Variants in C2 observed in about 807,000 individuals in gnomAD.
The protein encoded by C2 is complement C2, also known as C3/C5 convertase.
Under a neutral mutation model 85.2 loss-of-function variants are expected in C2, and 64 were observed. That is an observed-to-expected ratio of 0.75 (90% CI 0.61 to 0.92). C2 has a LOEUF of 0.92. Among genes scored for constraint, C2 ranks in the 40% least tolerant of loss-of-function variants. C2 has a pLI of 0.00. For missense variants in C2, 820 were observed against 971.6 expected, an observed-to-expected ratio of 0.84 and a Z score of 2.07; for synonymous variants, 311 against 370.8, an observed-to-expected ratio of 0.84 and a Z score of 1.85.
upstream of C2, among the ~76,000 whole-genome samples, chr6:31,917,304 A>G (rs1011646320): frequency 6.6e-6 from 1 of 152,182 alleles, no homozygotes; most frequent in Non-Finnish European, 1.5e-5. Context: ...CAGCCATAAA[A>G]AAAAAAAATT....
At chr6:31,922,959 G>A (rs1201029401), upstream of C2, among the ~76,000 whole-genome samples, 1 of 152,222 alleles carries the variant, frequency 6.6e-6, no homozygotes. This position sits in a 1 kb window ranked among gnomAD's most constrained non-coding sequence, Gnocchi z 4.8. Flanking sequence ...GCAGATATTA[G>A]AAGCCTAGAA....
At chr6:31,906,717 G>T (rs954731871) in intron 1 of C2, among the ~76,000 whole-genome samples, 49 of 151,700 alleles carry the variant, frequency 3.2e-4, no homozygotes, top group Non-Finnish European at 8.8e-5. Context: ...GTCCTCCCCA[G>T]GCCTGCCTGT....
intron 5 of C2, 39 bp downstream of exon 5, chr6:31,934,004 C>G (rs28706919): frequency 6.3e-7 from 1 of 1,585,924 alleles, no homozygotes; most frequent in Non-Finnish European, 8.7e-7. Flanking sequence ...GAGCAGGGTG[C>G]TGGATCTGGG....
chr6:31,940,303 G>A (rs1401868084), intron 9 of C2, among the ~76,000 whole-genome samples: 1 of 152,046 alleles, frequency 6.6e-6, no homozygotes, highest in Non-Finnish European at 1.5e-5. Context: ...GACCGTCGTC[G>A]TTATCATCAT....
rs1397361152 is a variant in C2 at position 31,928,051 on chromosome 6, C to T, written c.143C>T (p.Thr48Ile). The T allele has an allele frequency of 1.9e-6, 3 of 1,614,038 alleles. No homozygotes were observed. Among genetic ancestry groups the T allele is most frequent in the Non-Finnish European group, 1.7e-6 (2 of 1,180,014 alleles). Residue 48 changes from threonine to isoleucine, a missense_variant, in exon 2 of 18, where the codon ACC (threonine) becomes ATC (isoleucine). Physicochemically the swap from Thr to Ile is moderately conservative, Grantham distance 89. Transcript: ENST00000299367. ...GGCTGGGCTCCTGGGAGCCTTCTCA[C>T]CTACTCCTGCCCCCAGGGCCTGTAC... ...SHGWAPGSLL[T>I]YSCPQGLYPS...
intron 1 of C2, among the ~76,000 whole-genome samples, chr6:31,909,542 T>C (rs2151708148): frequency 6.6e-6 from 1 of 152,026 alleles, no homozygotes; most frequent in South Asian, 2.1e-4. Flanking sequence ...CCGCCTGCCT[T>C]GGCCTCCCAA....
At chr6:31,938,208 G>A (rs1770577810) in intron 8 of C2, among the ~76,000 whole-genome samples, 3 of 151,928 alleles carry the variant, frequency 2.0e-5, no homozygotes, top group East Asian at 1.9e-4. Context: ...ATGAGGAAAC[G>A]TGGCTCTTGA....
At chr6:31,910,959 G>T (rs1768053621) in intron 1 of C2, among the ~76,000 whole-genome samples, 4 of 151,640 alleles carry the variant, frequency 2.6e-5, no homozygotes. Context: ...CAGCCTGGGT[G>T]ACAGAGCAAG....
At chr6:31,900,496 C>T (rs936651632), upstream of C2, 7 of 1,609,806 alleles carry the variant, frequency 4.3e-6, no homozygotes, top group Admixed American at 3.3e-5. This position sits in a 1 kb window ranked among gnomAD's most constrained non-coding sequence, Gnocchi z 9.7. Context: ...CTGCATCTTC[C>T]GACAGGCTAT....
chr6:31,902,340 C>T (rs1332351699), intron 1 of C2, among the ~76,000 whole-genome samples: 1 of 151,946 alleles, frequency 6.6e-6, no homozygotes, highest in Non-Finnish European at 1.5e-5. Flanking sequence ...GCCCCCCAAT[C>T]CCGGCTGCCC....
At chr6:31,898,636 A>C (rs1766892826), upstream of C2, among the ~76,000 whole-genome samples, 1 of 144,418 alleles carries the variant, frequency 6.9e-6, no homozygotes, top group Non-Finnish European at 1.5e-5. Flanking sequence ...CCTTAATCCA[A>C]ACTTAGCTTT....
Position 31,940,077 on chromosome 6 carries a change from G to A in C2, c.1219+757G>A, listed in dbSNP as rs1770762406. Among the ~76,000 whole-genome samples the A allele has an allele frequency of 5.9e-5, 9 of 152,154 alleles. No homozygotes were observed. In the South Asian group the frequency reaches 1.9e-3, roughly 32 times the overall value. On this transcript the variant is annotated intron_variant, in intron 9 of 17. Transcript: ENST00000299367. ...AGATAGGCGTGAGCCACTGTGCCTG[G>A]CCAATTTTTAATTTTTTAATTATTA...
chr6:31,900,534 G>A (rs1418758597), upstream of C2: 1 of 1,612,026 alleles, frequency 6.2e-7, no homozygotes, highest in African/African-American at 1.3e-5. The surrounding 1 kb of genome is among the most constrained non-coding windows in gnomAD (Gnocchi z 9.7). Flanking sequence ...CCCTGCGGTG[G>A]GGCTACAGTG....
intron 1 of C2, among the ~76,000 whole-genome samples, chr6:31,912,703 G>A (rs9267671): frequency 0.086 from 13,057 of 152,060 alleles, 750 homozygotes; most frequent in South Asian, 0.16. Context: ...TAACCAGGGT[G>A]ATGGTGTGTG....
chr6:31,902,231 C>T (rs1303364207), intron 1 of C2, among the ~76,000 whole-genome samples: 2 of 151,390 alleles, frequency 1.3e-5, no homozygotes, highest in Non-Finnish European at 3.0e-5. Flanking sequence ...CGTTCCACAC[C>T]CCCCTCTTTC....
chr6:31,916,794 C>T (rs1768548447), upstream of C2, among the ~76,000 whole-genome samples: 1 of 132,018 alleles, frequency 7.6e-6, no homozygotes, highest in Admixed American at 8.6e-5. Context: ...TCCTTTTGCC[C>T]AGGCTGGAGT....
At chr6:31,936,269 C>A in intron 7 of C2, 1 of 605,826 alleles carries the variant, frequency 1.7e-6, no homozygotes, top group Non-Finnish European at 3.0e-6. Context: ...TGCTGCAGGT[C>A]CAAAGACACT....
At chr6:31,928,441 G>A (rs1232231511) in intron 2 of C2, among the ~76,000 whole-genome samples, 1 of 152,084 alleles carries the variant, frequency 6.6e-6, no homozygotes, top group East Asian at 1.9e-4. Context: ...AATGGTCCTG[G>A]AGTCCTCTAG....
intron 1 of C2, among the ~76,000 whole-genome samples, chr6:31,903,151 G>A (rs1767486885): frequency 6.6e-6 from 1 of 152,160 alleles, no homozygotes; most frequent in East Asian, 1.9e-4. Flanking sequence ...CCAAGTCCGC[G>A]TGAAGATGCC....
Sources: allele counts gnomAD v4.1 joint callset (sites outside exome capture counted in the v4.1 genomes callset), GRCh38; gene constraint gnomAD v4.1.1; non-coding constraint Gnocchi (gnomAD v3.1); transcripts MANE v1.5; gene names NCBI Gene and HGNC (gene_info 2026-07-23, HGNC 2026-07-21).